The following TNKS variants were observed in gnomAD, a reference collection of about 807,000 sequenced individuals.
TNKS encodes the protein tankyrase, also known as poly [ADP-ribose] polymerase tankyrase-1.
TNKS carries 72 observed loss-of-function variants against 135.8 expected under a neutral mutation model. The ratio of observed to expected loss-of-function variants is 0.53; its 90% CI spans 0.44 to 0.64. TNKS has a LOEUF of 0.64. TNKS is among the 30% of genes least tolerant of loss of function. The pLI is 0.00. For synonymous variants in TNKS, 849 were observed against 649.3 expected (o/e 1.31, Z -4.68); for missense variants, 1,769 against 1,674.0 (o/e 1.06, Z -0.99).
Position 9,615,653 on chromosome 8 carries a change from C to A in TNKS, c.970C>A (p.Pro324Thr). 1 of 1,613,072 alleles carries A rather than the reference C, an allele frequency of 6.2e-7. No individual in the cohort carries two copies. The highest frequency in any genetic ancestry group is 8.5e-7 in the Non-Finnish European group (1 of 1,179,548). The change falls in exon 3 of 27, where the codon CCT (proline) becomes ACT (threonine). Residue 324 changes from proline to threonine, a missense_variant. Pro to Thr is a conservative substitution (Grantham distance 38). Around this residue, in one of 5 missense-constraint regions of TNKS, gnomAD observed 523 missense variants for 541.0 expected, o/e 0.97. Coordinates refer to ENST00000310430, the MANE Select transcript of TNKS (RefSeq NM_003747.3). ...GAAATCAGCCCTGGACCTGGCAGATCCTTCAGCAAAAGCTGTCCTTACAGG... is the reference window on the plus strand; with the variant it reads ...GAAATCAGCCCTGGACCTGGCAGATACTTCAGCAAAAGCTGTCCTTACAGG... ...DGKSALDLAD[P>T]SAKAVLTGEY... is the part of the protein sequence containing the mutation.
At chr8:9,618,222 G>A (rs1799725399) in intron 3 of TNKS, among the ~76,000 whole-genome samples, 1 of 152,076 alleles carries the variant, frequency 6.6e-6, no homozygotes, top group South Asian at 2.1e-4. Context: ...CCTGACCTCA[G>A]GTGACCTGTC....
At position 9,678,604 on chromosome 8, in the gene TNKS, A is replaced by T. The variant is rs1487566395; in HGVS notation, c.995-1347A>T. Among the ~76,000 whole-genome samples, 10 of 152,338 alleles carry T rather than the reference A, an allele frequency of 6.6e-5. No homozygotes were observed. In the East Asian group the frequency reaches 1.9e-3, roughly 29 times the overall value. The stretch of plus-strand genomic sequence containing the variant: ...GGTTATAGTTTTCAGATTTTAACCT[A>T]ATCTTAATCCAGGAGGCAAGACAAA... On this transcript the variant is annotated intron_variant, in intron 3 of 26. Transcript: ENST00000310430.
At chr8:9,709,822 T>G (rs1199843154) in intron 9 of TNKS, 133 bp from the exon 10 acceptor site, 5 of 673,878 alleles carry the variant, frequency 7.4e-6, no homozygotes, top group Middle Eastern at 4.1e-4. Context: ...ATCTCTGTGA[T>G]ATAAAACATA....
intron 25 of TNKS, among the ~76,000 whole-genome samples, chr8:9,766,896 C>G (rs1423731489): frequency 1.3e-5 from 2 of 152,130 alleles, no homozygotes; most frequent in Non-Finnish European, 2.9e-5. Flanking sequence ...CCTCTTCTGA[C>G]AGGAGCAATA....
intron 3 of TNKS, among the ~76,000 whole-genome samples, chr8:9,642,588 T>C (rs1299639524): frequency 6.8e-6 from 1 of 146,502 alleles, no homozygotes; most frequent in African/African-American, 2.5e-5. Flanking sequence ...TTCATAATGT[T>C]TTAAAGTAAA....
At chr8:9,689,139 C>T (rs1563168533) in intron 5 of TNKS, among the ~76,000 whole-genome samples, 1 of 152,148 alleles carries the variant, frequency 6.6e-6, no homozygotes, top group Non-Finnish European at 1.5e-5. Context: ...TTTTCTTTAT[C>T]ACTGCCTTTT....
chr8:9,598,771 A>G (rs1440181945), intron 2 of TNKS, among the ~76,000 whole-genome samples: 413 of 8,068 alleles, frequency 0.051, 3 homozygotes, highest in African/African-American at 0.079. Flanking sequence ...GTGTGTATAT[A>G]TATATATATA....
chr8:9,566,748 A>G (rs1260509619), intron 1 of TNKS, among the ~76,000 whole-genome samples: 1 of 151,396 alleles, frequency 6.6e-6, no homozygotes, highest in East Asian at 1.9e-4. Flanking sequence ...AGCTGGGACT[A>G]CAGGCGCCCG....
At chr8:9,726,190 T>G (rs1400303476) in intron 12 of TNKS, among the ~76,000 whole-genome samples, 1 of 152,102 alleles carries the variant, frequency 6.6e-6, no homozygotes, top group East Asian at 1.9e-4. Context: ...CAGGAGTTTG[T>G]GACCAGCCTG....
chr8:9,734,769 C>A, intron 15 of TNKS, 96 bp from the exon 16 acceptor site: 1 of 1,072,968 alleles, frequency 9.3e-7, no homozygotes, highest in South Asian at 1.6e-5. Context: ...ATATCTTCCC[C>A]AGAGGAACAA....
intron 2 of TNKS, among the ~76,000 whole-genome samples, chr8:9,602,757 C>G (rs183881384): frequency 6.6e-6 from 1 of 152,288 alleles, no homozygotes; most frequent in African/African-American, 2.4e-5. Context: ...AAATGTGATA[C>G]CAACTTAATA....
At chr8:9,575,581 T>C (rs1253062524) in intron 1 of TNKS, among the ~76,000 whole-genome samples, 1 of 152,192 alleles carries the variant, frequency 6.6e-6, no homozygotes, top group Non-Finnish European at 1.5e-5. Context: ...GAAGAAAATG[T>C]AGGAACAGTA....
intron 3 of TNKS, among the ~76,000 whole-genome samples, chr8:9,643,259 AAAG>A (rs1227789459): frequency 6.8e-6 from 1 of 146,060 alleles, no homozygotes. Context: ...TTTATAAAGA[AAAG>A]AAGTTTATTT....
At chr8:9,577,483 A>T (rs1185853085) in intron 1 of TNKS, among the ~76,000 whole-genome samples, 1 of 152,146 alleles carries the variant, frequency 6.6e-6, no homozygotes, top group Non-Finnish European at 1.5e-5. Flanking sequence ...CAGGAAATTC[A>T]CAGTCGTGAC....
chr8:9,730,704 AT>A (rs1169888697), intron 13 of TNKS, among the ~76,000 whole-genome samples, 185 bp from the exon 14 acceptor site: 1 of 152,242 alleles, frequency 6.6e-6, no homozygotes, highest in Non-Finnish European at 1.5e-5. Context: ...ATAATAAAAA[AT>A]ATTTGTCGTC....
intron 2 of TNKS, among the ~76,000 whole-genome samples, chr8:9,591,703 T>G (rs1798597483): frequency 1.3e-5 from 2 of 152,232 alleles, no homozygotes; most frequent in African/African-American, 4.8e-5. Flanking sequence ...TCCCAATCTT[T>G]GCTTTGCTTT....
chr8:9,754,061 G>C (rs574666682), intron 20 of TNKS, among the ~76,000 whole-genome samples: 25 of 152,260 alleles, frequency 1.6e-4, no homozygotes, highest in African/African-American at 5.3e-4. Context: ...CTCTTCTAAG[G>C]ACATTTGCAT....
At position 9,748,962 on chromosome 8, in the gene TNKS, C is replaced by A. The variant is rs79566263; in HGVS notation, c.2832+750C>A. Among the ~76,000 whole-genome samples, 28 of 152,274 alleles carry A rather than the reference C, an allele frequency of 1.8e-4. No homozygotes were observed. In the East Asian group the frequency reaches 3.1e-3, roughly 17 times the overall value. The stretch of plus-strand genomic sequence containing the variant: ...AGATACAACTAGAAGGCAGGGGCCT[C>A]TCTAGTCCCATGTGGCATCTCATCA... On this transcript the variant is annotated intron_variant, in intron 18 of 26. Transcript: ENST00000310430.
At chr8:9,581,950 C>T (rs969504247) in intron 2 of TNKS, among the ~76,000 whole-genome samples, 4 of 152,178 alleles carry the variant, frequency 2.6e-5, no homozygotes, top group African/African-American at 9.7e-5. Flanking sequence ...CACTCTACTT[C>T]CTCAGTTCAC....
Sources: gnomAD v4.1 joint callset for allele counts (sites outside exome capture counted in the v4.1 genomes callset) on GRCh38, gnomAD v4.1.1 for gene constraint, gnomAD v4.1.1 regional missense constraint, MANE v1.5 for transcripts, NCBI Gene and HGNC (gene_info 2026-07-23, HGNC 2026-07-21) for gene names.